The following PBX1 variants were observed in gnomAD, a reference collection of about 807,000 sequenced individuals.
The protein encoded by PBX1 is PBX homeobox 1, also known as pre-B-cell leukemia transcription factor 1.
PBX1 carries 6 observed loss-of-function variants against 53.4 expected under a neutral mutation model. That is an observed-to-expected ratio of 0.11 (90% confidence interval 0.06 to 0.22). The LOEUF (loss-of-function observed/expected upper bound fraction) is 0.22. PBX1 is among the 10% of genes least tolerant of loss of function. PBX1 has a pLI of 1.00. For missense variants in PBX1, 251 were observed against 551.4 expected, an observed-to-expected ratio of 0.46 and a Z score of 5.46; for synonymous variants, 204 against 212.3, an observed-to-expected ratio of 0.96 and a Z score of 0.34.
At chr1:164,876,495 G>T (rs1285474067) in intron 2 of PBX1, among the ~76,000 whole-genome samples, 3 of 151,688 alleles carry the variant, frequency 2.0e-5, no homozygotes, top group Non-Finnish European at 4.4e-5. Context: ...AGGTGAGTGC[G>T]CAGGGATCCG....
chr1:164,745,482 A>G (rs924307012), intron 2 of PBX1, among the ~76,000 whole-genome samples: 1 of 152,226 alleles, frequency 6.6e-6, no homozygotes, highest in African/African-American at 2.4e-5. Context: ...GTGCTCAGAG[A>G]ACCACAAATG....
At chr1:164,801,260 TC>T (rs1669055005) in intron 4 of PBX1, among the ~76,000 whole-genome samples, 1 of 152,142 alleles carries the variant, frequency 6.6e-6, no homozygotes, top group South Asian at 2.1e-4. Context: ...TGCCTCTCCC[TC>T]ACCCGTGGCC....
intron 2 of PBX1, among the ~76,000 whole-genome samples, chr1:164,862,298 C>T (rs1672118639): frequency 6.6e-6 from 1 of 152,178 alleles, no homozygotes; most frequent in Non-Finnish European, 1.5e-5. Flanking sequence ...GCTAGAACAC[C>T]TTCCCGGGTT....
chr1:164,668,812 A>G (rs1285886362), intron 2 of PBX1, among the ~76,000 whole-genome samples: 4 of 152,238 alleles, frequency 2.6e-5, no homozygotes, highest in Non-Finnish European at 4.4e-5. Context: ...ATATGTAAAT[A>G]TCCTTGAATG....
chr1:164,819,409 C>T (rs1670035239), intron 6 of PBX1: 1 of 152,140 alleles, frequency 6.6e-6, no homozygotes, highest in African/African-American at 2.4e-5. Flanking sequence ...TCTGTAGTCA[C>T]AGGTGGCAGA....
At chr1:164,798,563 G>T (rs1413476379) in intron 3 of PBX1, among the ~76,000 whole-genome samples, 1 of 152,188 alleles carries the variant, frequency 6.6e-6, no homozygotes, top group Non-Finnish European at 1.5e-5. Context: ...AAATAGGAAG[G>T]GCTCAGGCCC....
chr1:164,833,214 A>AC (rs60972125), intron 8 of PBX1, among the ~76,000 whole-genome samples: 1 of 150,496 alleles, frequency 6.6e-6, no homozygotes, highest in African/African-American at 2.5e-5. Context: ...AAAAACAAAA[A>AC]AAAACAAAAC....
intron 2 of PBX1, among the ~76,000 whole-genome samples, chr1:164,869,188 A>G (rs944289332): frequency 6.6e-6 from 1 of 152,220 alleles, no homozygotes; most frequent in Admixed American, 6.5e-5. Flanking sequence ...CACCCTGAAC[A>G]TGCCCGATCT....
At chr1:164,882,795 C>T (rs1672691677) in intron 2 of PBX1, among the ~76,000 whole-genome samples, 1 of 152,028 alleles carries the variant, frequency 6.6e-6, no homozygotes, top group Non-Finnish European at 1.5e-5. Flanking sequence ...AACAGGTGTA[C>T]TTATTTTATA....
intron 2 of PBX1, among the ~76,000 whole-genome samples, chr1:164,661,112 CTT>C (rs1660462145): frequency 6.6e-6 from 1 of 152,192 alleles, no homozygotes; most frequent in Non-Finnish European, 1.5e-5. Flanking sequence ...GAGGAGAAGA[CTT>C]TTACTATGTT....
intron 2 of PBX1, among the ~76,000 whole-genome samples, chr1:164,713,802 G>A (rs900509262): frequency 2.6e-5 from 4 of 152,140 alleles, no homozygotes; most frequent in African/African-American, 9.7e-5. Context: ...TAGCAGAACT[G>A]TTCATACAGC....
At chr1:164,876,991 A>G (rs1672528568) in intron 2 of PBX1, among the ~76,000 whole-genome samples, 1 of 152,200 alleles carries the variant, frequency 6.6e-6, no homozygotes, top group Non-Finnish European at 1.5e-5. Flanking sequence ...AACAACATCT[A>G]GCAAACAGTG....
At chr1:164,708,890 C>A (rs1040709675) in intron 2 of PBX1, among the ~76,000 whole-genome samples, 1 of 152,208 alleles carries the variant, frequency 6.6e-6, no homozygotes, top group Admixed American at 6.5e-5. Flanking sequence ...CAGGTTTGCA[C>A]TGAATCTGTT....
Position 164,848,124 on chromosome 1 carries a change from A to T in PBX1, c.*1448A>T. On this transcript the variant is annotated 3_prime_UTR_variant, in exon 9 of 9. Transcript: ENST00000420696. The stretch of plus-strand genomic sequence containing the variant: ...AGCTTCATTTGAGGACCTGAGAATC[A>T]TGGGGAAAGGGAAGGTAATGTTTTC... 1 of 1,051,528 alleles carries T rather than the reference A, an allele frequency of 9.5e-7. No homozygotes were observed. Among genetic ancestry groups the T allele is most frequent in the Non-Finnish European group, 1.1e-6 (1 of 870,624 alleles). The allele number at this position is 1,051,528 out of a possible 1,614,324, so 65.1% of individuals were successfully genotyped here. A position where few individuals can be genotyped will look rare whatever the true frequency, so the allele number is the denominator to read the frequency against.
chr1:164,811,229 T>C (rs1390670038), intron 5 of PBX1, among the ~76,000 whole-genome samples: 3 of 152,046 alleles, frequency 2.0e-5, no homozygotes, highest in Admixed American at 6.6e-5. Flanking sequence ...CTGGCAGAGG[T>C]CTTGGTATGA....
rs151319688 is a variant in PBX1 at position 164,796,170 on chromosome 1, C to T, written c.510+3432C>T. The stretch of plus-strand genomic sequence containing the variant: ...GAATACAGGCACGTGCCACCACGCC[C>T]GGCTAATTTTTTGTATTTTTAGTAG... On this transcript the variant is annotated intron_variant, in intron 3 of 8. Coordinates refer to ENST00000420696, the MANE Select transcript of PBX1 (RefSeq NM_002585.4). 7.0e-3 allele frequency among the ~76,000 whole-genome samples: 1,062 copies of T among 152,064 alleles called. 1 individual carries two copies. The highest frequency in any genetic ancestry group is 0.01 in the Middle Eastern group (3 of 292).
chr1:164,674,416 A>C (rs1661303828), intron 2 of PBX1: 1 of 152,180 alleles, frequency 6.6e-6, no homozygotes, highest in African/African-American at 2.4e-5. Context: ...GGCTTGGCCA[A>C]AGTCACCATT....
At chr1:164,583,747 C>T (rs1373449190) in intron 2 of PBX1, among the ~76,000 whole-genome samples, 2 of 152,126 alleles carry the variant, frequency 1.3e-5, no homozygotes, top group African/African-American at 2.4e-5. Context: ...TCCTTTTCTT[C>T]CTCCTTTCTC....
chr1:164,769,969 G>A (rs985042398), intron 2 of PBX1: 1 of 152,110 alleles, frequency 6.6e-6, no homozygotes, highest in Non-Finnish European at 1.5e-5. Flanking sequence ...TAAGCCCAGG[G>A]TAGTGCAAAG....
Sources: gnomAD v4.1 joint callset for allele counts (sites outside exome capture counted in the v4.1 genomes callset) on GRCh38, gnomAD v4.1.1 for gene constraint, MANE v1.5 for transcripts, NCBI Gene and HGNC (gene_info 2026-07-23, HGNC 2026-07-21) for gene names.